Variants in SMIM35 observed in about 807,000 individuals in gnomAD.
SMIM35 encodes TMPRSS4 antisense RNA 1 (non-protein coding).
At chr11:118,081,367 CT>C (rs1435509856) in intron 1 of SMIM35, among the ~76,000 whole-genome samples, 2 of 152,164 alleles carry the variant, frequency 1.3e-5, no homozygotes, top group South Asian at 4.1e-4. Context: ...GGCAATCCCC[CT>C]GTGACACGTC....
chr11:118,050,454 A>G (rs924837269), intron 1 of SMIM35, among the ~76,000 whole-genome samples: 20 of 152,210 alleles, frequency 1.3e-4, no homozygotes, highest in African/African-American at 4.6e-4. Flanking sequence ...GCACCCAGCC[A>G]CTGACACCAA....
intron 1 of SMIM35, among the ~76,000 whole-genome samples, chr11:118,020,747 C>G (rs563167181): frequency 6.6e-6 from 1 of 151,942 alleles, no homozygotes; most frequent in South Asian, 2.1e-4. Context: ...GATATGTAGA[C>G]TATTATATTG....
Position 118,074,230 on chromosome 11 carries a change from A to C in SMIM35, c.7+12521T>G, listed in dbSNP as rs150372019. On this transcript the variant is annotated intron_variant, in intron 1 of 4. Transcript: ENST00000689828. ...CTGAAGCTTCAGCTTCAGGAGTTTC[A>C]TGATAACTCTGCCTCGGATCTTGAC... Among the ~76,000 whole-genome samples the C allele has an allele frequency of 1.3e-4, 20 of 152,344 alleles. No individual in the cohort carries two copies. In the East Asian group the frequency reaches 3.9e-3, roughly 29 times the overall value.
intron 1 of SMIM35, among the ~76,000 whole-genome samples, chr11:118,083,317 C>T (rs1486337949): frequency 6.6e-6 from 1 of 152,226 alleles, no homozygotes; most frequent in East Asian, 1.9e-4. Flanking sequence ...TCCACTGGTC[C>T]TTGCTTCTCT....
chr11:118,034,214 A>G (rs941242636), intron 1 of SMIM35, among the ~76,000 whole-genome samples: 3 of 152,212 alleles, frequency 2.0e-5, no homozygotes, highest in African/African-American at 7.2e-5. Context: ...TGGAGGTTGC[A>G]GTGATCTGAG....
At chr11:118,040,485 C>T (rs1943983134) in intron 1 of SMIM35, among the ~76,000 whole-genome samples, 2 of 152,154 alleles carry the variant, frequency 1.3e-5, no homozygotes, top group South Asian at 2.1e-4. Context: ...AAAAGTCCTA[C>T]GTTTAGCAAA....
intron 1 of SMIM35, among the ~76,000 whole-genome samples, chr11:118,030,978 C>T (rs1375893340): frequency 1.7e-4 from 26 of 151,866 alleles, no homozygotes; most frequent in Non-Finnish European, 1.5e-5. Flanking sequence ...GAGGACATGG[C>T]AGCAGAGATT....
At chr11:118,053,951 A>G (rs1944265497) in intron 1 of SMIM35, among the ~76,000 whole-genome samples, 1 of 152,182 alleles carries the variant, frequency 6.6e-6, no homozygotes, top group Admixed American at 6.5e-5. Flanking sequence ...CCTAACATCT[A>G]AAATCCCAAA....
rs146664745 is a variant in SMIM35, at chr11:118,021,046, G to GGTTTTTTTTTTTTTT, written c.8-5238_8-5237insAAAAAAAAAAAAAAC. On this transcript the variant is annotated intron_variant, in intron 1 of 4. Transcript: ENST00000689828. ...TTTAGTTTCCAAATTCACAGGGTAAGGTTTTTTTTTTTACTATTTATTAAG... is the reference window on the plus strand; with the variant it reads ...TTTAGTTTCCAAATTCACAGGGTAAGGTTTTTTTTTTTTTTGTTTTTTTTTTTACTATTTATTAAG... Among the ~76,000 whole-genome samples the GGTTTTTTTTTTTTTT allele has an allele frequency of 8.4e-5, 11 of 130,812 alleles. No individual in the cohort carries two copies. The East Asian group carries it at 1.7e-3, about 20-fold the overall frequency. The allele number at this position is 130,812 out of a possible 152,430, so 85.8% of individuals were successfully genotyped here. A position where few individuals can be genotyped will look rare whatever the true frequency, so the allele number is the denominator to read the frequency against.
chr11:118,082,225 A>G (rs543608237), intron 1 of SMIM35, among the ~76,000 whole-genome samples: 10 of 152,318 alleles, frequency 6.6e-5, no homozygotes, highest in Admixed American at 3.3e-4. Context: ...TCAGTCTAAT[A>G]CAACTCTCTG....
At chr11:118,038,471 C>A (rs1020457247) in intron 1 of SMIM35, among the ~76,000 whole-genome samples, 1 of 152,146 alleles carries the variant, frequency 6.6e-6, no homozygotes, top group Admixed American at 6.5e-5. Flanking sequence ...GATGTGCAAG[C>A]AAGTTTGCCA....
intron 1 of SMIM35, among the ~76,000 whole-genome samples, chr11:118,053,816 T>G (rs1043008776): frequency 2.6e-5 from 4 of 152,196 alleles, no homozygotes; most frequent in African/African-American, 4.8e-5. Flanking sequence ...GACAGTGATG[T>G]GGTCTCCACA....
At chr11:118,071,137 G>T (rs1324441534) in intron 1 of SMIM35, among the ~76,000 whole-genome samples, 2 of 152,216 alleles carry the variant, frequency 1.3e-5, no homozygotes, top group African/African-American at 4.8e-5. Context: ...TGAAGAAAAT[G>T]CGTCCTGCCA....
intron 1 of SMIM35, among the ~76,000 whole-genome samples, chr11:118,028,207 A>G (rs180968551): frequency 3.3e-5 from 5 of 152,236 alleles, no homozygotes; most frequent in Admixed American, 3.3e-4. Context: ...TGTAGACAAC[A>G]TCGTCTCCCC....
At chr11:118,053,525 T>G (rs1944255806) in intron 1 of SMIM35, among the ~76,000 whole-genome samples, 1 of 152,172 alleles carries the variant, frequency 6.6e-6, no homozygotes, top group Admixed American at 6.5e-5. Context: ...TTGGATTCCT[T>G]ATTCAACTCC....
chr11:118,014,609 G>T (rs1238057373), intron 3 of SMIM35, 99 bp downstream of exon 3: 1 of 398,414 alleles, frequency 2.5e-6, no homozygotes, highest in Non-Finnish European at 4.4e-6. Flanking sequence ...CAGAAGACAG[G>T]AAAGGGAACC....
At chr11:118,014,505 G>T (rs1335398363) in intron 3 of SMIM35, among the ~76,000 whole-genome samples, 1 of 152,020 alleles carries the variant, frequency 6.6e-6, no homozygotes, top group East Asian at 1.9e-4. Flanking sequence ...TGTCATCAGG[G>T]TTTCACATAG....
chr11:118,047,132 T>A (rs1223708966), intron 1 of SMIM35, among the ~76,000 whole-genome samples: 1 of 152,108 alleles, frequency 6.6e-6, no homozygotes, highest in Non-Finnish European at 1.5e-5. Context: ...ACCACCCCAA[T>A]GCGGTGACCT....
intron 1 of SMIM35, among the ~76,000 whole-genome samples, chr11:118,061,401 T>G (rs1053628407): frequency 5.9e-5 from 9 of 152,210 alleles, no homozygotes; most frequent in African/African-American, 2.2e-4. Context: ...TAAGTGGCAT[T>G]TCTAGCTACT....
Sources: allele counts gnomAD v4.1 joint callset (sites outside exome capture counted in the v4.1 genomes callset), GRCh38; gene constraint gnomAD v4.1.1; transcripts MANE v1.5; gene names NCBI Gene and HGNC (gene_info 2026-07-23, HGNC 2026-07-21).